The following CDH4 variants were observed in gnomAD, a reference collection of about 807,000 sequenced individuals.
The protein encoded by CDH4 is cadherin-4.
CDH4 carries 33 observed loss-of-function variants against 86.0 expected under a neutral mutation model. That is an observed-to-expected ratio of 0.38 (90% CI 0.29 to 0.51). CDH4 has a LOEUF of 0.51. Among genes scored for constraint, CDH4 ranks in the 20% least tolerant of loss-of-function variants. The probability of loss-of-function intolerance (pLI) is 0.86; values close to 1 mark genes in which losing one functional copy is unlikely to be tolerated. For missense variants in CDH4, 1,114 were observed against 1,307.4 expected, an observed-to-expected ratio of 0.85 and a Z score of 2.28; for synonymous variants, 555 against 549.4, an observed-to-expected ratio of 1.01 and a Z score of -0.14.
At chr20:61,842,687 C>A (rs1460111314) in intron 4 of CDH4, among the ~76,000 whole-genome samples, 1 of 144,086 alleles carries the variant, frequency 6.9e-6, no homozygotes, top group Non-Finnish European at 1.5e-5. Flanking sequence ...GACTTTTCCC[C>A]TAACTACAGC....
chr20:61,777,724 A>ACG (rs2088860474), intron 4 of CDH4, among the ~76,000 whole-genome samples: 1 of 147,804 alleles, frequency 6.8e-6, no homozygotes, highest in African/African-American at 2.6e-5. Flanking sequence ...ACATGCGTGC[A>ACG]CACGTGCATA....
chr20:61,848,313 A>T (rs1982552069), intron 5 of CDH4, among the ~76,000 whole-genome samples: 1 of 152,024 alleles, frequency 6.6e-6, no homozygotes, highest in African/African-American at 2.4e-5. Flanking sequence ...TGCCCCAGCC[A>T]CCCACGTGGC....
chr20:61,282,101 G>GT (rs1568780169), intron 2 of CDH4, among the ~76,000 whole-genome samples: 1 of 152,226 alleles, frequency 6.6e-6, no homozygotes, highest in African/African-American at 2.4e-5. Flanking sequence ...GCTCACGCCT[G>GT]TAATCCCAGC....
intron 7 of CDH4, among the ~76,000 whole-genome samples, chr20:61,884,875 G>A (rs568058744): frequency 1.5e-3 from 232 of 152,264 alleles, no homozygotes; most frequent in Middle Eastern, 3.4e-3. Flanking sequence ...AGCCTGTAGC[G>A]GGAGGTGCGG....
intron 2 of CDH4, among the ~76,000 whole-genome samples, chr20:61,323,781 C>T (rs570748430): frequency 6.6e-6 from 1 of 152,150 alleles, no homozygotes; most frequent in Admixed American, 6.5e-5. Flanking sequence ...TTGCCGTCAC[C>T]TTTAGTACAT....
Position 61,773,001 on chromosome 20 carries a change from A to C in CDH4, c.397-2A>C. ...CCTCTTCTCTCCCCTTTCCAAATAA[A>C]GCCGCAGAAAGGAAAGAAGGTCGTG... is the stretch of plus-strand genomic sequence containing the variant. On this transcript the variant is annotated splice_acceptor_variant, in intron 3 of 15. Transcript: ENST00000614565. LOFTEE classifies it high-confidence loss of function. 4 of 1,606,022 alleles carry C rather than the reference A, an allele frequency of 2.5e-6. No individual in the cohort carries two copies. The highest frequency in any genetic ancestry group is 3.4e-6 in the Non-Finnish European group (4 of 1,174,542).
chr20:61,770,338 G>A (rs554509572), intron 3 of CDH4, among the ~76,000 whole-genome samples: 4 of 152,298 alleles, frequency 2.6e-5, no homozygotes, highest in East Asian at 3.9e-4. Flanking sequence ...GATGCCTCCC[G>A]GCCAGCTTTG....
chr20:61,685,825 C>G (rs1436765133), intron 2 of CDH4, among the ~76,000 whole-genome samples: 2 of 152,228 alleles, frequency 1.3e-5, no homozygotes, highest in Non-Finnish European at 2.9e-5. Context: ...CTGGAACACA[C>G]TTGATTCAAA....
At chr20:61,739,329 G>A (rs2088305018) in intron 2 of CDH4, among the ~76,000 whole-genome samples, 1 of 152,158 alleles carries the variant, frequency 6.6e-6, no homozygotes, top group Non-Finnish European at 1.5e-5. Flanking sequence ...GACCAGCCTG[G>A]GGAGGCTTTG....
At chr20:61,466,850 CAAAT>C (rs1193275014) in intron 2 of CDH4, among the ~76,000 whole-genome samples, 2 of 95,806 alleles carry the variant, frequency 2.1e-5, no homozygotes, top group Non-Finnish European at 3.8e-5. Flanking sequence ...GACGCTGCCT[CAAAT>C]AAATAAATAA....
rs762550906 is a variant in CDH4 at position 61,934,121 on chromosome 20, C to T, written c.2445C>T (p.Gly815=). ...GGCACGTGCCAAGCAAAGCCCCTGG[C>T]GTGCGTCGCGTGGATGAGCGGCCGG... ...AMGHVPSKAP[G]VRRVDERPVG... is the part of the protein sequence containing the mutation. Residue 815 remains glycine (G), a synonymous_variant, in exon 15 of 16, where the codon GGC becomes GGT. Transcript: ENST00000614565. The T allele has an allele frequency of 2.2e-5, 36 of 1,611,102 alleles. No homozygotes were observed. The highest frequency in any genetic ancestry group is 1.9e-4 in the Middle Eastern group (1 of 5,364).
At position 61,729,175 on chromosome 20, in the gene CDH4, G is replaced by A. The variant is rs144251870; in HGVS notation, c.170-14388G>A. Among the ~76,000 whole-genome samples, 468 of 152,318 alleles carry A rather than the reference G, an allele frequency of 3.1e-3. 3 individuals carry two copies. Among genetic ancestry groups the A allele is most frequent in the East Asian group, 0.029 (151 of 5,178 alleles). On this transcript the variant is annotated intron_variant, in intron 2 of 15. Transcript: ENST00000614565. The stretch of plus-strand genomic sequence containing the variant: ...ACAAGCCCAGGAGTCCTCGGTGCAT[G>A]GCGCATTGGTGGCTGGATTTGCCAC...
In CDH4 at chr20:61,924,400, G is replaced by A. The variant is rs753916349; in HGVS notation, c.1695G>A (p.Thr565=). 25 of 1,613,120 alleles carry A rather than the reference G, an allele frequency of 1.5e-5. No homozygotes were observed. Among genetic ancestry groups the A allele is most frequent in the African/African-American group, 5.3e-5 (4 of 74,850 alleles). The stretch of plus-strand genomic sequence containing the variant: ...ATGCCACCAACGGCCAGATCACCAC[G>A]GCGGCAGTGCTGGACCGTGAGTCCC... The part of the protein sequence containing the change: ...HINATNGQIT[T]AAVLDRESLY... Residue 565 remains threonine (T), a synonymous_variant, in exon 11 of 16, where the codon ACG becomes ACA. Transcript: ENST00000614565.
intron 2 of CDH4, among the ~76,000 whole-genome samples, chr20:61,512,019 C>T (rs1324948341): frequency 1.3e-5 from 2 of 152,170 alleles, no homozygotes; most frequent in East Asian, 3.8e-4. Flanking sequence ...CGAGAACACC[C>T]TCCATCCGCA....
chr20:61,682,353 A>AATGGATGG (rs553737381), intron 2 of CDH4, among the ~76,000 whole-genome samples: 5 of 128,724 alleles, frequency 3.9e-5, no homozygotes, highest in Admixed American at 7.5e-5. Flanking sequence ...GAGATAGATG[A>AATGGATGG]ATGGATGGAT....
At position 61,936,974 on chromosome 20, in the gene CDH4, G is replaced by A; in HGVS notation, c.*31G>A. 1.3e-6 allele frequency: 2 copies of A among 1,529,738 alleles called. No individual in the cohort carries two copies. The highest frequency in any genetic ancestry group is 1.8e-6 in the Non-Finnish European group (2 of 1,133,328). The allele number at this position is 1,529,738 out of a possible 1,614,324, so 94.8% of individuals were successfully genotyped here. A position where few individuals can be genotyped will look rare whatever the true frequency, so the allele number is the denominator to read the frequency against. ...CTCGCATCTTCGGACCGAAGTGAGA[G>A]CCGTGCTCGGACGCCGGAGGAGCAG... On this transcript the variant is annotated 3_prime_UTR_variant, in exon 16 of 16. Transcript: ENST00000614565.
intron 9 of CDH4, among the ~76,000 whole-genome samples, chr20:61,911,549 G>C (rs1400078693): frequency 2.2e-4 from 34 of 152,246 alleles, no homozygotes; most frequent in Admixed American, 1.9e-3. Flanking sequence ...TAGAGAAAAG[G>C]AGGGGTGACA....
chr20:61,408,049 G>A (rs909717867), intron 2 of CDH4, among the ~76,000 whole-genome samples: 1 of 152,150 alleles, frequency 6.6e-6, no homozygotes, highest in Admixed American at 6.5e-5. Flanking sequence ...GGTTACAGGG[G>A]GAAGTCTGTT....
chr20:61,721,895 G>A (rs996683472), intron 2 of CDH4, among the ~76,000 whole-genome samples: 1 of 152,178 alleles, frequency 6.6e-6, no homozygotes, highest in African/African-American at 2.4e-5. Flanking sequence ...TTCCCTGGCT[G>A]TGGGAGGCTC....
Sources: allele counts gnomAD v4.1 joint callset (sites outside exome capture counted in the v4.1 genomes callset), GRCh38; gene constraint gnomAD v4.1.1; transcripts MANE v1.5; gene names NCBI Gene and HGNC (gene_info 2026-07-23, HGNC 2026-07-21).